The following ZDHHC4 variants were observed in gnomAD, a reference collection of about 807,000 sequenced individuals.
ZDHHC4 encodes the protein palmitoyltransferase ZDHHC4.
Under a neutral mutation model 36.7 loss-of-function variants are expected in ZDHHC4, and 42 were observed. That is an observed-to-expected ratio of 1.14 (90% CI 0.89 to 1.48). The LOEUF (loss-of-function observed/expected upper bound fraction) is 1.48. Ranked by LOEUF, ZDHHC4 falls within the 40% of genes most tolerant of loss-of-function variation. The probability of loss-of-function intolerance (pLI) is 0.00; values close to 1 mark genes in which losing one functional copy is unlikely to be tolerated. For synonymous variants in ZDHHC4, 189 were observed against 166.6 expected (o/e 1.13, Z -1.03); for missense variants, 457 against 421.5 (o/e 1.08, Z -0.74).
At chr7:6,584,995 T>A in intron 6 of ZDHHC4, 21 bp from the exon 7 acceptor site, 1 of 1,612,634 alleles carries the variant, frequency 6.2e-7, no homozygotes, top group South Asian at 1.1e-5. Context: ...TCCCAGCACG[T>A]GCCCCCTTGT....
rs552993025 is a variant in ZDHHC4 at position 6,589,069 on chromosome 7, C to T, written c.*159C>T. On this transcript the variant is annotated 3_prime_UTR_variant, in exon 8 of 8. Coordinates refer to ENST00000335965, the MANE Select transcript of ZDHHC4 (RefSeq NM_001134389.2). ...GAAAATGGGTGTTGACTGAGGAATC[C>T]CCCTTGCTTGTCTTCTTTTGAAACC... 2.3e-6 allele frequency: 2 copies of T among 875,342 alleles called. No homozygotes were observed. Among genetic ancestry groups the T allele is most frequent in the East Asian group, 2.5e-5 (1 of 39,576 alleles). 54.2% of individuals were successfully genotyped at this position (875,342 alleles called of 1,614,324 possible).
Position 6,585,212 on chromosome 7 carries a change from C to A in ZDHHC4, c.693C>A (p.Ile231=). 6.2e-7 allele frequency: 1 copy of A among 1,614,164 alleles called. No homozygotes were observed. The highest frequency in any genetic ancestry group is 2.2e-5 in the East Asian group (1 of 44,878). Residue 231 remains isoleucine, a synonymous_variant, in exon 7 of 8, where the codon ATC becomes ATA. Transcript: ENST00000335965. ...VMSDLYQETY[I]DDLGHLHVMD... ...CAGATTTATACCAGGAGACTTACAT[C>A]GATGACCTTGGACACCTCCATGTTA...
At chr7:6,579,987 T>A (rs1780722459) in intron 2 of ZDHHC4, among the ~76,000 whole-genome samples, 1 of 151,110 alleles carries the variant, frequency 6.6e-6, no homozygotes, top group South Asian at 2.2e-4. Flanking sequence ...AATACAAAAA[T>A]TAGCCAGGCA....
At chr7:6,588,497 C>T (rs1781418838) in intron 7 of ZDHHC4, 120 bp from the exon 8 acceptor site, 2 of 1,032,384 alleles carry the variant, frequency 1.9e-6, no homozygotes, top group Non-Finnish European at 2.9e-6. Flanking sequence ...CATCTGGACA[C>T]AAGTAGGTGG....
chr7:6,583,464 T>G, intron 6 of ZDHHC4, 33 bp downstream of exon 6: 1 of 1,589,312 alleles, frequency 6.3e-7, no homozygotes, highest in Non-Finnish European at 8.6e-7. Context: ...CAGCGGCACC[T>G]CCAACAGCAC....
rs144235091 is a variant in ZDHHC4, at chr7:6,585,040, G to A, written c.521G>A (p.Arg174His). The A allele has an allele frequency of 1.5e-4, 241 of 1,614,138 alleles. No individual in the cohort carries two copies. The Admixed American group carries it at 2.7e-3, about 18-fold the overall frequency. Residue 174 changes from arginine (R) to histidine (H), a missense_variant, in exon 7 of 8, where the codon CGT becomes CAT. Physicochemically the swap from Arg to His is conservative, Grantham distance 29. Transcript: ENST00000335965. ...HCSVCNWCVH[R>H]FDHHCVWVNN... ...GGTGTGTGTAACTGGTGTGTGCACC[G>A]TTTCGACCATCACTGTGTTTGGGTG...
In ZDHHC4 at chr7:6,588,686, G is replaced by A; in HGVS notation, c.811G>A (p.Gly271Ser). The A allele has an allele frequency of 1.9e-6, 3 of 1,614,156 alleles. No individual in the cohort carries two copies. The highest frequency in any genetic ancestry group is 2.5e-6 in the Non-Finnish European group (3 of 1,180,040). ...TGTCGTGGTTCTGAGCTTCCTCCTG[G>A]GTGGCTACCTGTTGTTTGTCCTGTA... ...GFVVVLSFLL[G>S]GYLLFVLYLA... Residue 271 changes from glycine to serine, a missense_variant, in exon 8 of 8, where the codon GGT becomes AGT. Physicochemically the swap from Gly to Ser is moderately conservative, Grantham distance 56 (BLOSUM62 0). Transcript: ENST00000335965.
At position 6,582,064 on chromosome 7, in the gene ZDHHC4, T is replaced by G. The variant is rs140569964; in HGVS notation, c.192-9T>G. The G allele has an allele frequency of 1.2e-6, 2 of 1,608,574 alleles. No individual in the cohort carries two copies. The highest frequency in any genetic ancestry group is 2.2e-5 in the East Asian group (1 of 44,782). Reference sequence around the variant, plus strand: ...CCCCCATGAACAAGCCATGCCTGTTTTCTTTCAGAAACCACACCTTCATTG... The same window carrying G: ...CCCCCATGAACAAGCCATGCCTGTTGTCTTTCAGAAACCACACCTTCATTG... On this transcript the variant is annotated splice_polypyrimidine_tract_variant and intron_variant, in intron 4 of 7. Coordinates refer to ENST00000335965, the MANE Select transcript of ZDHHC4 (RefSeq NM_001134389.2).
At chr7:6,578,494 T>C (rs557119718) in intron 1 of ZDHHC4, 72 bp from the exon 2 acceptor site, 4 of 152,366 alleles carry the variant, frequency 2.6e-5, no homozygotes, top group South Asian at 4.1e-4. Context: ...CAAATCCTTT[T>C]CCACAGGTAT....
In ZDHHC4 at chr7:6,581,206, C is replaced by T. The variant is rs560132682; in HGVS notation, c.118-401C>T. The T allele has an allele frequency of 1.2e-3, 310 of 250,688 alleles. 1 individual carries two copies. The highest frequency in any genetic ancestry group is 6.6e-3 in the African/African-American group (282 of 42,718). The allele number at this position is 250,688 out of a possible 1,614,324, so 15.5% of individuals were successfully genotyped here. A position where few individuals can be genotyped will look rare whatever the true frequency, so the allele number is the denominator to read the frequency against. On this transcript the variant is annotated intron_variant, in intron 3 of 7. Transcript: ENST00000335965. ...CCTTCAGGGATCAAAGTGAGCAAAA[C>T]GGGGCAAGCAGCCTATGGGAAGGCA...
intron 7 of ZDHHC4, among the ~76,000 whole-genome samples, chr7:6,587,140 G>A (rs1489157485): frequency 6.6e-6 from 1 of 150,590 alleles, no homozygotes; most frequent in Admixed American, 6.6e-5. Flanking sequence ...GACCTCCTGG[G>A]CTCAAATGCT....
chr7:6,581,423 G>T (rs537646480), intron 3 of ZDHHC4, among the ~76,000 whole-genome samples, 184 bp from the exon 4 acceptor site: 1 of 152,206 alleles, frequency 6.6e-6, no homozygotes, highest in African/African-American at 2.4e-5. Context: ...TGGAGTTGGC[G>T]TGAAAGGAAA....
intron 5 of ZDHHC4, among the ~76,000 whole-genome samples, 168 bp from the exon 6 acceptor site, chr7:6,583,138 C>G (rs976992801): frequency 1.3e-5 from 2 of 151,908 alleles, no homozygotes; most frequent in Non-Finnish European, 2.9e-5. Flanking sequence ...CAAGATCATG[C>G]CACTGCATTC....
At chr7:6,581,895 T>C (rs918426205) in intron 4 of ZDHHC4, among the ~76,000 whole-genome samples, 178 bp from the exon 5 acceptor site, 1 of 152,230 alleles carries the variant, frequency 6.6e-6, no homozygotes, top group African/African-American at 2.4e-5. Flanking sequence ...AAAAGCGATA[T>C]TTACAGATTG....
At chr7:6,588,418 C>T (rs1011986214) in intron 7 of ZDHHC4, among the ~76,000 whole-genome samples, 199 bp from the exon 8 acceptor site, 1 of 152,212 alleles carries the variant, frequency 6.6e-6, no homozygotes, top group Non-Finnish European at 1.5e-5. Context: ...ATTCATCCCA[C>T]AGGAAACTCT....
intron 1 of ZDHHC4, 42 bp from the exon 2 acceptor site, chr7:6,578,524 C>G (rs967153564): frequency 6.6e-6 from 1 of 152,238 alleles, no homozygotes; most frequent in African/African-American, 2.4e-5. Context: ...GACTGCAACT[C>G]TTGTCGTCTT....
At chr7:6,580,396 ATTCTG>A (rs1780757974) in intron 2 of ZDHHC4, among the ~76,000 whole-genome samples, 154 bp from the exon 3 acceptor site, 1 of 152,092 alleles carries the variant, frequency 6.6e-6, no homozygotes, top group Non-Finnish European at 1.5e-5. Flanking sequence ...GAATTGGTGA[ATTCTG>A]TTCTGTTTGT....
At chr7:6,578,458 T>TG (rs1780600244) in intron 1 of ZDHHC4, 108 bp from the exon 2 acceptor site, 1 of 152,244 alleles carries the variant, frequency 6.6e-6, no homozygotes, top group Non-Finnish European at 1.5e-5. Flanking sequence ...CCATTCATGC[T>TG]GGGGGTGCTG....
chr7:6,577,616 C>G (rs11559147), intron 1 of ZDHHC4, 118 bp downstream of exon 1: 100,552 of 152,216 alleles, frequency 0.66, 33,958 homozygotes, highest in Admixed American at 0.71. Context: ...CCACCTCGCC[C>G]GAGTCCGGGG....
Sources: gnomAD v4.1 joint callset for allele counts (sites outside exome capture counted in the v4.1 genomes callset) on GRCh38, gnomAD v4.1.1 for gene constraint, MANE v1.5 for transcripts, NCBI Gene and HGNC (gene_info 2026-07-23, HGNC 2026-07-21) for gene names.